The following RAB6B variants were observed in gnomAD, a reference collection of about 807,000 sequenced individuals.
The protein encoded by RAB6B is RAB6B, member RAS oncogene family, also known as ras-related protein Rab-6B.
RAB6B carries 7 observed loss-of-function variants against 31.2 expected under a neutral mutation model. That is an observed-to-expected ratio of 0.22 (90% CI 0.13 to 0.42). The LOEUF is 0.42. Ranked by LOEUF, RAB6B falls within the 10% of genes least tolerant of loss-of-function variation. RAB6B has a pLI of 1.00. For synonymous variants in RAB6B, 105 were observed against 104.9 expected (o/e 1.00, Z -0.01); for missense variants, 149 against 280.6 (o/e 0.53, Z 3.35).
At chr3:133,833,197 G>A (rs916573009) in intron 7 of RAB6B, among the ~76,000 whole-genome samples, 11 of 152,172 alleles carry the variant, frequency 7.2e-5, no homozygotes, top group Non-Finnish European at 1.2e-4. Flanking sequence ...CATGTGACAG[G>A]TGATTCCACA....
At position 133,895,545 on chromosome 3, in the gene RAB6B, G is replaced by A; in HGVS notation, c.-79C>T. 4 of 1,472,884 alleles carry A rather than the reference G, an allele frequency of 2.7e-6. No individual in the cohort carries two copies. The highest frequency in any genetic ancestry group is 2.4e-5 in the East Asian group (1 of 42,538). 91.2% of individuals were successfully genotyped at this position (1,472,884 alleles called of 1,614,324 possible). A position where few individuals can be genotyped will look rare whatever the true frequency, so the allele number is the denominator to read the frequency against. On this transcript the variant is annotated 5_prime_UTR_variant, in exon 1 of 8. Coordinates refer to ENST00000285208, the MANE Select transcript of RAB6B (RefSeq NM_016577.4). ...GGAGGGGAGAGTAGGAGGGCGAGGGGAGGCGGCCGGCGGTGCGGGAGCCGG... is the reference window on the plus strand; with the variant it reads ...GGAGGGGAGAGTAGGAGGGCGAGGGAAGGCGGCCGGCGGTGCGGGAGCCGG...
At position 133,828,148 on chromosome 3, in the gene RAB6B, C is replaced by A; in HGVS notation, c.*640G>T. On this transcript the variant is annotated 3_prime_UTR_variant, in exon 8 of 8. Transcript: ENST00000285208. ...GCCGGGCTGCCTAGAGCCCACAGACCTTGGTCTCAGCTCCACACGAGGTTG... is the reference window on the plus strand; with the variant it reads ...GCCGGGCTGCCTAGAGCCCACAGACATTGGTCTCAGCTCCACACGAGGTTG... The A allele has an allele frequency of 1.7e-6, 1 of 605,814 alleles. No individual in the cohort carries two copies. The highest frequency in any genetic ancestry group is 3.0e-6 in the Non-Finnish European group (1 of 338,500). The allele number at this position is 605,814 out of a possible 1,614,324, so 37.5% of individuals were successfully genotyped here.
At chr3:133,873,975 G>C (rs1198342728) in intron 1 of RAB6B, among the ~76,000 whole-genome samples, 1 of 152,190 alleles carries the variant, frequency 6.6e-6, no homozygotes, top group Non-Finnish European at 1.5e-5. Flanking sequence ...TTAAGTGAAA[G>C]TGGATCATCA....
At chr3:133,888,024 C>T (rs540587125) in intron 1 of RAB6B, among the ~76,000 whole-genome samples, 44 of 152,322 alleles carry the variant, frequency 2.9e-4, no homozygotes, top group African/African-American at 9.6e-4. Context: ...CCGCAGGTTC[C>T]TCTTTAGCAA....
At chr3:133,895,339 C>A in intron 1 of RAB6B, 58 bp downstream of exon 1, 1 of 1,561,644 alleles carries the variant, frequency 6.4e-7, no homozygotes, top group Non-Finnish European at 8.8e-7. Context: ...ATGGGGTGGG[C>A]GATTGGGCGG....
At chr3:133,886,850 T>C (rs569892178) in intron 1 of RAB6B, among the ~76,000 whole-genome samples, 2 of 152,334 alleles carry the variant, frequency 1.3e-5, no homozygotes, top group South Asian at 4.1e-4. Context: ...TCACATGCCA[T>C]GTATAGATGT....
rs187943767 is a variant in RAB6B at position 133,852,317 on chromosome 3, T to C, written c.130-10654A>G. 3.9e-5 allele frequency among the ~76,000 whole-genome samples: 6 copies of C among 152,300 alleles called. No individual in the cohort carries two copies. The East Asian group carries it at 9.6e-4, about 24-fold the overall frequency. The stretch of plus-strand genomic sequence containing the variant: ...GCAAGTAAGCCAGATTATGCTGGCA[T>C]TGCACTTTGGAGGTCTGTGAGGGTC... On this transcript the variant is annotated intron_variant, in intron 2 of 7. Transcript: ENST00000285208.
In RAB6B at chr3:133,838,140, GGGCCCCGTGCCA is replaced by G. The variant is rs1382436254; in HGVS notation, c.495+14_495+25del. ...GCTACACCGTGCCGGGCCCCGTGCCGGGCCCCGTGCCAGGTGTGTCCTCACCTGCTTCACGTT... is the reference window on the plus strand; with the variant it reads ...GCTACACCGTGCCGGGCCCCGTGCCGGGTGTGTCCTCACCTGCTTCACGTT... On this transcript the variant is annotated intron_variant, in intron 6 of 7. Transcript: ENST00000285208. The G allele has an allele frequency of 2.8e-6, 3 of 1,063,594 alleles. No homozygotes were observed. The highest frequency in any genetic ancestry group is 1.3e-5 in the South Asian group (1 of 77,418). The allele number at this position is 1,063,594 out of a possible 1,614,324, so 65.9% of individuals were successfully genotyped here.
chr3:133,838,175 G>A lies in RAB6B; in HGVS notation c.486C>T (p.Asn162=), dbSNP rs778280469. 105 of 1,613,888 alleles carry A rather than the reference G, an allele frequency of 6.5e-5. No homozygotes were observed. Among genetic ancestry groups the A allele is most frequent in the East Asian group, 2.2e-4 (10 of 44,900 alleles). The change falls in exon 6 of 8, where the codon AAC becomes AAT. Residue 162 remains asparagine, a synonymous_variant. Coordinates refer to ENST00000285208, the MANE Select transcript of RAB6B (RefSeq NM_016577.4). ...FIETSAKTGY[N]VKQLFRRVAS... is the part of the protein sequence containing the mutation. ...CCAGGTGTGTCCTCACCTGCTTCAC[G>A]TTGTAGCCAGTCTTCGCACTGGTCT...
rs1260587185 is a variant in RAB6B at position 133,826,930 on chromosome 3, T to C, written c.*1858A>G. On this transcript the variant is annotated 3_prime_UTR_variant, in exon 8 of 8. Transcript: ENST00000285208. ...TGTGGAAGGTGTATACACAAGTCTA[T>C]CTCTATATATAATTATGTACACACA... is the stretch of plus-strand genomic sequence containing the variant. 1.3e-5 allele frequency: 2 copies of C among 152,620 alleles called. No individual in the cohort carries two copies. Among genetic ancestry groups the C allele is most frequent in the Non-Finnish European group, 2.9e-5 (2 of 68,030 alleles). The allele number at this position is 152,620 out of a possible 1,614,324, so 9.5% of individuals were successfully genotyped here.
chr3:133,841,322 C>T lies in RAB6B; in HGVS notation c.252G>A (p.Arg84=). The part of the protein sequence containing the change: ...RFRSLIPSYI[R]DSTVAVVVYD... ...ACACCACCACAGCCACCGTGGAGTC[C>T]CGGATGTAGCTGGGGATCAGGCTGC... is the stretch of plus-strand genomic sequence containing the variant. Residue 84 remains arginine (R), a synonymous_variant, in exon 4 of 8, where the codon CGG becomes CGA. Transcript: ENST00000285208. 6.2e-7 allele frequency: 1 copy of T among 1,614,172 alleles called. No individual in the cohort carries two copies. The highest frequency in any genetic ancestry group is 1.1e-5 in the South Asian group (1 of 91,084).
chr3:133,853,436 TC>T (rs1375976922), intron 2 of RAB6B, among the ~76,000 whole-genome samples: 1 of 150,980 alleles, frequency 6.6e-6, no homozygotes, highest in Non-Finnish European at 1.5e-5. Context: ...AAGAGGACGC[TC>T]CACAGGCCCT....
intron 2 of RAB6B, among the ~76,000 whole-genome samples, chr3:133,852,128 A>G (rs1312949088): frequency 6.6e-6 from 1 of 152,226 alleles, no homozygotes; most frequent in East Asian, 1.9e-4. Context: ...CAAGCATCAA[A>G]GCCAATGGTG....
At chr3:133,885,007 T>C (rs1196398311) in intron 1 of RAB6B, among the ~76,000 whole-genome samples, 5 of 94,540 alleles carry the variant, frequency 5.3e-5, no homozygotes, top group African/African-American at 1.7e-4. Context: ...GCGGGGCTCA[T>C]ATATCCCAAT....
chr3:133,853,832 T>C (rs1291476423), intron 2 of RAB6B, among the ~76,000 whole-genome samples: 1 of 152,192 alleles, frequency 6.6e-6, no homozygotes, highest in Admixed American at 6.5e-5. Flanking sequence ...TACTCTGTGA[T>C]ATGCTGCGTA....
At chr3:133,874,824 C>CT (rs1378702536) in intron 1 of RAB6B, among the ~76,000 whole-genome samples, 2 of 150,292 alleles carry the variant, frequency 1.3e-5, no homozygotes, top group Admixed American at 1.3e-4. Context: ...ACCTTTTAAA[C>CT]TTTTTTTGTT....
At chr3:133,830,094 C>A (rs529162626) in intron 7 of RAB6B, among the ~76,000 whole-genome samples, 1 of 152,388 alleles carries the variant, frequency 6.6e-6, no homozygotes, top group East Asian at 1.9e-4. Flanking sequence ...TGCTTCTCTA[C>A]TGCCCATCAT....
intron 1 of RAB6B, among the ~76,000 whole-genome samples, chr3:133,880,854 C>T (rs1197628884): frequency 1.3e-5 from 2 of 152,218 alleles, no homozygotes; most frequent in Admixed American, 1.3e-4. Flanking sequence ...CCCAGAAGGA[C>T]TCAATGTCAC....
rs368174948 is a variant in RAB6B at position 133,839,557 on chromosome 3, C to G, written c.350G>C (p.Ser117Thr). The change falls in exon 5 of 8, where the codon AGT becomes ACT. Residue 117 changes from serine to threonine, a missense_variant. Around this residue, in one of 2 missense-constraint regions of RAB6B, gnomAD observed 75 missense variants for 180.1 expected, o/e 0.42. Transcript: ENST00000285208. ...GCCCACCAGCATGATGATAACATCA[C>G]TGCCCCTCTCTGTCCTGACGTCGTC... is the stretch of plus-strand genomic sequence containing the variant. ...WIDDVRTERG[S>T]DVIIMLVGNK... is the part of the protein sequence containing the mutation. 2 of 1,614,138 alleles carry G rather than the reference C, an allele frequency of 1.2e-6. No individual in the cohort carries two copies. The highest frequency in any genetic ancestry group is 1.7e-6 in the Non-Finnish European group (2 of 1,180,044).
Sources: allele counts gnomAD v4.1 joint callset (sites outside exome capture counted in the v4.1 genomes callset), GRCh38; gene constraint gnomAD v4.1.1; regional missense constraint gnomAD v4.1.1; transcripts MANE v1.5; gene names NCBI Gene and HGNC (gene_info 2026-07-23, HGNC 2026-07-21).